TENM3: variants seen among roughly 807,000 people sequenced by gnomAD.
TENM3 encodes teneurin-3.
A neutral mutation model predicts 255.1 loss-of-function variants in TENM3; 63 were observed. The ratio of observed to expected loss-of-function variants is 0.25; its 90% CI spans 0.20 to 0.30. The LOEUF (loss-of-function observed/expected upper bound fraction) is 0.30, where lower values mean the gene tolerates loss of function less well. Ranked by LOEUF, TENM3 falls within the 10% of genes least tolerant of loss-of-function variation. The pLI is 1.00. For synonymous variants in TENM3, 1,306 were observed against 1,322.3 expected, an observed-to-expected ratio of 0.99 and a Z score of 0.27; for missense variants, 2,929 against 3,461.1, an observed-to-expected ratio of 0.85 and a Z score of 3.86.
At chr4:181,882,534 C>T in the TENM3 span, among the ~76,000 whole-genome samples, 2 of 152,164 alleles carry the variant, frequency 1.3e-5, no homozygotes, top group African/African-American at 2.4e-5. Flanking sequence ...TTCTCAAGTA[C>T]ATCATAGTTC....
At chr4:182,774,769 A>G in intron 23 of TENM3, 149 bp from the exon 24 acceptor site, 2 of 621,070 alleles carry the variant, frequency 3.2e-6, no homozygotes. Flanking sequence ...CCAAGGATCA[A>G]AGTTGTTTTG....
chr4:182,459,116 T>G (rs1246021122), intron 3 of TENM3, among the ~76,000 whole-genome samples: 1 of 152,238 alleles, frequency 6.6e-6, no homozygotes, highest in Non-Finnish European at 1.5e-5. Flanking sequence ...ACTAGTTTGA[T>G]TGCTTGCCTT....
intron 16 of TENM3, among the ~76,000 whole-genome samples, chr4:182,732,150 TTAA>T (rs1267697274): frequency 4.0e-5 from 6 of 148,434 alleles, no homozygotes; most frequent in African/African-American, 1.5e-4. Context: ...TATATATTTA[TTAA>T]TAATAGTCAA....
At chr4:182,081,515 C>T in the TENM3 span, among the ~76,000 whole-genome samples, 6 of 138,210 alleles carry the variant, frequency 4.3e-5, no homozygotes, top group African/African-American at 8.2e-5. Flanking sequence ...ACCCGGGAGG[C>T]GGAGATTGCA....
the TENM3 span, among the ~76,000 whole-genome samples, chr4:181,934,475 ATT>A: frequency 5.9e-5 from 9 of 152,152 alleles, no homozygotes; most frequent in African/African-American, 2.2e-4. Context: ...GACACTTAAG[ATT>A]TAATCGGTAG....
chr4:181,625,144 T>G, the TENM3 span, among the ~76,000 whole-genome samples: 1 of 152,296 alleles, frequency 6.6e-6, no homozygotes, highest in African/African-American at 2.4e-5. Flanking sequence ...CACCTTCACA[T>G]GGCAGAAGAG....
chr4:182,195,339 A>C (rs1753777352), intron 1 of TENM3, among the ~76,000 whole-genome samples: 1 of 152,118 alleles, frequency 6.6e-6, no homozygotes, highest in Non-Finnish European at 1.5e-5. Context: ...GTGGAATGCC[A>C]CCTTAAAGCA....
chr4:182,381,195 G>A (rs561019159), intron 3 of TENM3, among the ~76,000 whole-genome samples: 2 of 152,344 alleles, frequency 1.3e-5, no homozygotes, highest in African/African-American at 2.4e-5. Flanking sequence ...GGGATCCCCC[G>A]ACAGGGGGAA....
the TENM3 span, among the ~76,000 whole-genome samples, chr4:181,634,384 CTTT>C: frequency 0.53 from 64,644 of 122,984 alleles, 15,148 homozygotes; most frequent in East Asian, 0.68. Flanking sequence ...TTTTTTAATT[CTTT>C]TTTTTTTTTT....
intron 3 of TENM3, among the ~76,000 whole-genome samples, chr4:182,510,527 G>A (rs1315341695): frequency 2.0e-5 from 3 of 151,998 alleles, no homozygotes; most frequent in Admixed American, 1.3e-4. Context: ...GTTCTGATTG[G>A]CAATTCTATG....
At chr4:182,322,774 A>C (rs1399236172) in intron 1 of TENM3, among the ~76,000 whole-genome samples, 1 of 152,146 alleles carries the variant, frequency 6.6e-6, no homozygotes, top group Non-Finnish European at 1.5e-5. Flanking sequence ...TGATTCTTTG[A>C]GAGAGGGACT....
chr4:181,761,925 A>G, the TENM3 span, among the ~76,000 whole-genome samples: 97 of 152,318 alleles, frequency 6.4e-4, no homozygotes, highest in African/African-American at 2.3e-3. Context: ...TCAAGAAAAT[A>G]CTTCCAGGAC....
At chr4:181,762,514 T>A in the TENM3 span, among the ~76,000 whole-genome samples, 1 of 152,124 alleles carries the variant, frequency 6.6e-6, no homozygotes, top group African/African-American at 2.4e-5. Context: ...GCAGTTGATT[T>A]GGGATATTAT....
intron 2 of TENM3, among the ~76,000 whole-genome samples, chr4:182,334,238 G>A (rs1256055381): frequency 2.6e-5 from 4 of 152,134 alleles, no homozygotes. Flanking sequence ...AGCATGCTAT[G>A]TGACCTAATG....
At chr4:182,209,524 G>A (rs1754838817) in intron 1 of TENM3, among the ~76,000 whole-genome samples, 1 of 152,114 alleles carries the variant, frequency 6.6e-6, no homozygotes, top group Non-Finnish European at 1.5e-5. Context: ...GACACTGCTA[G>A]GAGCCCCCTT....
chr4:182,177,568 A>T (rs1284005710), intron 1 of TENM3, among the ~76,000 whole-genome samples: 1 of 152,042 alleles, frequency 6.6e-6, no homozygotes, highest in African/African-American at 2.4e-5. Flanking sequence ...AAATGAAAAA[A>T]AATTTATTTA....
chr4:181,804,770 G>A, the TENM3 span, among the ~76,000 whole-genome samples: 12 of 152,128 alleles, frequency 7.9e-5, no homozygotes, highest in Admixed American at 2.6e-4. Flanking sequence ...AGCTACTCAG[G>A]AGCCTGAGGC....
the TENM3 span, among the ~76,000 whole-genome samples, chr4:182,057,447 A>G: frequency 1.4e-5 from 2 of 138,192 alleles, no homozygotes; most frequent in Middle Eastern, 8.0e-3. Flanking sequence ...CTCTTGCTCC[A>G]TGGCCCAGGC....
chr4:182,527,336 G>A (rs1043155684), intron 3 of TENM3, among the ~76,000 whole-genome samples: 1 of 152,110 alleles, frequency 6.6e-6, no homozygotes, highest in African/African-American at 2.4e-5. Context: ...TGACGCGGTT[G>A]TCACCATGGT....
Sources: gnomAD v4.1 joint callset for allele counts (sites outside exome capture counted in the v4.1 genomes callset) on GRCh38, gnomAD v4.1.1 for gene constraint, MANE v1.5 for transcripts, NCBI Gene and HGNC (gene_info 2026-07-23, HGNC 2026-07-21) for gene names.